PLA2G4F: variants seen among roughly 807,000 people sequenced by gnomAD.
PLA2G4F encodes phospholipase A2 group IVF.
A neutral mutation model predicts 103.1 loss-of-function variants in PLA2G4F; 105 were observed. The observed-to-expected ratio is 1.02, with a 90% confidence interval of 0.87 to 1.20. The LOEUF is 1.20. Ranked by LOEUF, PLA2G4F falls within the 50% of genes most tolerant of loss-of-function variation. PLA2G4F has a pLI of 0.00. For missense variants in PLA2G4F, 1,155 were observed against 1,075.9 expected, an observed-to-expected ratio of 1.07 and a Z score of -1.03; for synonymous variants, 468 against 441.1, an observed-to-expected ratio of 1.06 and a Z score of -0.76.
At position 42,139,207 on chromosome 15, in the gene PLA2G4F, T is replaced by C. The variant is rs1056193450; in HGVS notation, c.*2777A>G. On this transcript the variant is annotated 3_prime_UTR_variant, in exon 20 of 20. Transcript: ENST00000397272. ...TTTCAGGGAAGGTCATGGGCGTAGA[T>C]GATCAAAGGTCAGTTCCTGGTCAAC... is the stretch of plus-strand genomic sequence containing the variant. 18 of 154,174 alleles carry C rather than the reference T, an allele frequency of 1.2e-4. No homozygotes were observed. The highest frequency in any genetic ancestry group is 5.7e-4 in the Middle Eastern group (1 of 1,752). 9.6% of individuals were successfully genotyped at this position (154,174 alleles called of 1,614,324 possible).
Position 42,150,605 on chromosome 15 carries a change from C to T in PLA2G4F, c.771+3G>A. The T allele has an allele frequency of 6.2e-7, 1 of 1,606,298 alleles. No homozygotes were observed. Among genetic ancestry groups the T allele is most frequent in the Non-Finnish European group, 8.5e-7 (1 of 1,176,436 alleles). ...CTACCGACCATCCTGGCGGCGCACT[C>T]ACCTGCACAGCTGCCAGCAGCTCCA... On this transcript the variant is annotated splice_donor_region_variant and intron_variant, in intron 8 of 19. Transcript: ENST00000397272.
At chr15:42,144,285 C>A in intron 17 of PLA2G4F, 141 bp from the exon 18 acceptor site, 1 of 1,392,354 alleles carries the variant, frequency 7.2e-7, no homozygotes, top group East Asian at 2.4e-5. Flanking sequence ...AAGCCCTTGG[C>A]CCTGCCTTCC....
Position 42,150,362 on chromosome 15 carries a change from CA to C in PLA2G4F, c.885+10del. ...GGCAGGGGTCCCTCTGGCACCCAGA[CA>C]GAGCCTTACCTCCCCCAGGGCCACA... On this transcript the variant is annotated intron_variant, in intron 9 of 19. Coordinates refer to ENST00000397272, the MANE Select transcript of PLA2G4F (RefSeq NM_213600.4). 6.3e-7 allele frequency: 1 copy of C among 1,599,462 alleles called. No homozygotes were observed. The highest frequency in any genetic ancestry group is 8.5e-7 in the Non-Finnish European group (1 of 1,173,024).
In PLA2G4F at chr15:42,146,271, C is replaced by T. The variant is rs776367462; in HGVS notation, c.1420-30G>A. 3 of 1,601,208 alleles carry T rather than the reference C, an allele frequency of 1.9e-6. No homozygotes were observed. The South Asian group carries it at 3.3e-5, about 18-fold the overall frequency. ...GCAGGAAAGAAGGGAGGCAGCTTGG[C>T]CTTTCAGGAGTTCCATTCCCCATCC... On this transcript the variant is annotated intron_variant, in intron 13 of 19. Transcript: ENST00000397272.
In PLA2G4F at chr15:42,147,654, A is replaced by G; in HGVS notation, c.1168T>C (p.Tyr390His). The G allele has an allele frequency of 6.2e-7, 1 of 1,614,074 alleles. No homozygotes were observed. Among genetic ancestry groups the G allele is most frequent in the Non-Finnish European group, 8.5e-7 (1 of 1,179,986 alleles). The change falls in exon 12 of 20, where the codon TAC (tyrosine) becomes CAC (histidine). Residue 390 changes from tyrosine (Y) to histidine (H), a missense_variant. Coordinates refer to ENST00000397272, the MANE Select transcript of PLA2G4F (RefSeq NM_213600.4). ...QELGLLDTVTYLSGVSGSTWC... is the reference protein window; with the variant it reads ...QELGLLDTVTHLSGVSGSTWC... Reference sequence around the variant, plus strand: ...GTAGACCCAGAGACCCCACTCAGGTAGGTCACAGTGTCTAGAAGGCCGAGC... The same window carrying G: ...GTAGACCCAGAGACCCCACTCAGGTGGGTCACAGTGTCTAGAAGGCCGAGC...
rs753970329 is a variant in PLA2G4F, at chr15:42,150,435, C to T, written c.823G>A (p.Gly275Ser). The change falls in exon 9 of 20, where the codon GGC becomes AGC. Residue 275 changes from glycine (G) to serine (S), a missense_variant. Around this residue, in one of 3 missense-constraint regions of PLA2G4F, gnomAD observed 370 missense variants for 364.9 expected, o/e 1.01. Coordinates refer to ENST00000397272, the MANE Select transcript of PLA2G4F (RefSeq NM_213600.4). The part of the protein sequence containing the change: ...EAQTSKLGEG[G>S]ILLSSLPLGQ... ...AGGGGCAGAGAGGAGAGCAGGATGC[C>T]CCCCTCGCCCAGCTTGCTGGTCTGA... 4.3e-5 allele frequency: 70 copies of T among 1,613,366 alleles called. No individual in the cohort carries two copies. The highest frequency in any genetic ancestry group is 5.5e-5 in the Non-Finnish European group (65 of 1,179,944).
chr15:42,140,062 G>A lies in PLA2G4F; in HGVS notation c.*1922C>T, dbSNP rs916013010. ...GTGTGTATGCCTTTTTCTTGGGAGA[G>A]GGTCTGTGGTTTATATCAGCTCTTC... On this transcript the variant is annotated 3_prime_UTR_variant, in exon 20 of 20. Transcript: ENST00000397272. 1 of 152,214 alleles carries A rather than the reference G, an allele frequency of 6.6e-6. No individual in the cohort carries two copies. Among genetic ancestry groups the A allele is most frequent in the Non-Finnish European group, 1.5e-5 (1 of 68,040 alleles). 9.4% of individuals were successfully genotyped at this position (152,214 alleles called of 1,614,324 possible). A position where few individuals can be genotyped will look rare whatever the true frequency, so the allele number is the denominator to read the frequency against.
intron 6 of PLA2G4F, 113 bp from the exon 7 acceptor site, chr15:42,152,867 A>T (rs1435005448): frequency 9.7e-7 from 1 of 1,026,496 alleles, no homozygotes; most frequent in Admixed American, 2.7e-5. Context: ...CCCATCCAGG[A>T]TGGAGGGAGG....
chr15:42,145,817 T>C lies in PLA2G4F; in HGVS notation c.1621A>G (p.Met541Val), dbSNP rs1322443731. The C allele has an allele frequency of 1.2e-6, 2 of 1,614,074 alleles. No homozygotes were observed. The highest frequency in any genetic ancestry group is 8.5e-7 in the Non-Finnish European group (1 of 1,180,010). Residue 541 changes from methionine (M) to valine (V), a missense_variant, in exon 15 of 20, where the codon ATG (methionine) becomes GTG (valine). Met to Val is a conservative substitution (Grantham distance 21). Coordinates refer to ENST00000397272, the MANE Select transcript of PLA2G4F (RefSeq NM_213600.4). ...PTELFGSELF[M>V]GRLLQLQPEP... ...GGCTGGAGCTGCAGCAATCGTCCCA[T>C]GAAGAGTTCTGAGCCGAAGAGCTCG...
At position 42,155,497 on chromosome 15, in the gene PLA2G4F, A is replaced by T; in HGVS notation, c.184+20T>A. 1 of 1,613,120 alleles carries T rather than the reference A, an allele frequency of 6.2e-7. No individual in the cohort carries two copies. Among genetic ancestry groups the T allele is most frequent in the Non-Finnish European group, 8.5e-7 (1 of 1,179,080 alleles). Reference sequence around the variant, plus strand: ...CCGCAGGGAAAGGACAGAGAGAAGGATGGAGATGGGGTCACTCACGCAGGT... The same window carrying T: ...CCGCAGGGAAAGGACAGAGAGAAGGTTGGAGATGGGGTCACTCACGCAGGT... On this transcript the variant is annotated intron_variant, in intron 2 of 19. Coordinates refer to ENST00000397272, the MANE Select transcript of PLA2G4F (RefSeq NM_213600.4).
At chr15:42,144,221 C>T (rs2048855678) in intron 17 of PLA2G4F, 77 bp from the exon 18 acceptor site, 32 of 1,499,302 alleles carry the variant, frequency 2.1e-5, no homozygotes, top group South Asian at 7.6e-5. Context: ...TTTGCATTCA[C>T]GTTTGCCTTC....
chr15:42,148,914 G>A, intron 11 of PLA2G4F: 2 of 985,444 alleles, frequency 2.0e-6, no homozygotes, highest in Non-Finnish European at 2.4e-6. Flanking sequence ...ACCTAGCACA[G>A]AGAGGGCATA....
intron 19 of PLA2G4F, 112 bp downstream of exon 19, chr15:42,142,416 C>T (rs979941517): frequency 2.2e-6 from 3 of 1,343,516 alleles, no homozygotes; most frequent in African/African-American, 1.5e-5. Context: ...CCAGCTCAGG[C>T]CCACCAGGAG....
Position 42,147,179 on chromosome 15 carries a change from C to T in PLA2G4F, c.1364G>A (p.Ser455Asn), listed in dbSNP as rs1259001817. ...GCCCCAGAGGTCGATGAGGGACACG[C>T]TGTGGCCACTGCGCTCCCGGACCCC... ...ELGVRERSGHSVSLIDLWGLL... is the reference protein window; with the variant it reads ...ELGVRERSGHNVSLIDLWGLL... The change falls in exon 13 of 20, where the codon AGC becomes AAC. Residue 455 changes from serine (S) to asparagine (N), a missense_variant. Physicochemically the swap from Ser to Asn is conservative, Grantham distance 46 (BLOSUM62 1). Transcript: ENST00000397272. 4 of 1,612,786 alleles carry T rather than the reference C, an allele frequency of 2.5e-6. No homozygotes were observed. Among genetic ancestry groups the T allele is most frequent in the Middle Eastern group, 1.7e-4 (1 of 5,916 alleles).
At chr15:42,154,071 C>T (rs372713238) in intron 4 of PLA2G4F, 21 bp downstream of exon 4, 56 of 1,613,772 alleles carry the variant, frequency 3.5e-5, no homozygotes, top group Admixed American at 2.2e-4. Flanking sequence ...CTGGGCTCTC[C>T]GCCAGCACTG....
chr15:42,143,999 A>G lies in PLA2G4F; in HGVS notation c.2121T>C (p.Tyr707=). 6.2e-7 allele frequency: 1 copy of G among 1,611,628 alleles called. No individual in the cohort carries two copies. The highest frequency in any genetic ancestry group is 8.5e-7 in the Non-Finnish European group (1 of 1,178,640). The change falls in exon 18 of 20, where the codon TAT becomes TAC. Residue 707 remains tyrosine, a synonymous_variant. Transcript: ENST00000397272. ...TCACCTCAAAAGGGGCTTCCAAGGA[A>G]TAGTCAAAGGACAGAATGAGGTCCA... ...RAVDLILSFD[Y]SLEAPFEVLK...
At position 42,144,160 on chromosome 15, in the gene PLA2G4F, G is replaced by A. The variant is rs1354617899; in HGVS notation, c.1976-16C>T. On this transcript the variant is annotated splice_polypyrimidine_tract_variant and intron_variant, in intron 17 of 19. Coordinates refer to ENST00000397272, the MANE Select transcript of PLA2G4F (RefSeq NM_213600.4). The stretch of plus-strand genomic sequence containing the variant: ...GGGTGTGTGTCTGCAAGGAACCCAT[G>A]TGTACGCACAGGGACGAATGCAGTT... 1 of 1,597,762 alleles carries A rather than the reference G, an allele frequency of 6.3e-7. No homozygotes were observed.
intron 12 of PLA2G4F, 116 bp downstream of exon 12, chr15:42,147,510 C>G: frequency 4.2e-6 from 6 of 1,424,914 alleles, no homozygotes; most frequent in Non-Finnish European, 5.8e-6. Flanking sequence ...CCTGCCCCTC[C>G]TAACACCCTG....
intron 17 of PLA2G4F, 21 bp from the exon 18 acceptor site, chr15:42,144,165 CGCA>C (rs2048854914): frequency 6.3e-7 from 1 of 1,583,312 alleles, no homozygotes; most frequent in African/African-American, 1.4e-5. Flanking sequence ...CCCATGTGTA[CGCA>C]CAGGGACGAA....
Sources: gnomAD v4.1 joint callset for allele counts on GRCh38, gnomAD v4.1.1 for gene constraint, gnomAD v4.1.1 regional missense constraint, MANE v1.5 for transcripts, NCBI Gene and HGNC (gene_info 2026-07-23, HGNC 2026-07-21) for gene names.